The following MSL1 variants were observed in gnomAD, a reference collection of about 807,000 sequenced individuals.
MSL1 encodes the protein male-specific lethal 1 homolog.
In MSL1, 21 loss-of-function variants were observed where a neutral mutation model predicts 64.6. The observed-to-expected ratio is 0.33, with a 90% CI of 0.23 to 0.47. MSL1 has a LOEUF of 0.47. Ranked by LOEUF, MSL1 falls within the 20% of genes least tolerant of loss-of-function variation. The probability of loss-of-function intolerance (pLI) is 1.00; values close to 1 mark genes in which losing one functional copy is unlikely to be tolerated. For missense variants in MSL1, 664 were observed against 793.2 expected (o/e 0.84, Z 1.96); for synonymous variants, 339 against 329.6 (o/e 1.03, Z -0.31).
In MSL1 at chr17:40,136,266, C is replaced by G. The variant is rs1356669293; in HGVS notation, c.*1897C>G. 6.6e-6 allele frequency: 1 copy of G among 152,282 alleles called. No individual in the cohort carries two copies. The highest frequency in any genetic ancestry group is 1.5e-5 in the Non-Finnish European group (1 of 68,034). The allele number at this position is 152,282 out of a possible 1,614,324, so 9.4% of individuals were successfully genotyped here. A position where few individuals can be genotyped will look rare whatever the true frequency, so the allele number is the denominator to read the frequency against. On this transcript the variant is annotated 3_prime_UTR_variant, in exon 9 of 9. Coordinates refer to ENST00000398532, the MANE Select transcript of MSL1 (RefSeq NM_001365919.1). ...GTTTGTGCCCTACCCAGGGGACTCC[C>G]CAGTTTCTGACTTGAAGTAGACTGA... is the stretch of plus-strand genomic sequence containing the variant.
At chr17:40,124,241 T>TA (rs1430374148) in intron 1 of MSL1, among the ~76,000 whole-genome samples, 1 of 152,104 alleles carries the variant, frequency 6.6e-6, no homozygotes, top group Non-Finnish European at 1.5e-5. Context: ...TGGGGGGTAT[T>TA]ACTGTGCTAG....
chr17:40,122,353 A>G lies in MSL1; in HGVS notation c.-260A>G, dbSNP rs1019915554. On this transcript the variant is annotated 5_prime_UTR_variant, in exon 1 of 9. Coordinates refer to ENST00000398532, the MANE Select transcript of MSL1 (RefSeq NM_001365919.1). The surrounding 1 kb of genome is among the most constrained non-coding windows in gnomAD (Gnocchi z 4.2). The stretch of plus-strand genomic sequence containing the variant: ...GGTGCGAGCTCCTGCCTCTGAGGCG[A>G]AGGCGGCGGCGGCGGCAGCAGAGGC... 4 of 214,046 alleles carry G rather than the reference A, an allele frequency of 1.9e-5. No homozygotes were observed. The highest frequency in any genetic ancestry group is 3.6e-5 in the Non-Finnish European group (4 of 111,436). The allele number at this position is 214,046 out of a possible 1,614,324, so 13.3% of individuals were successfully genotyped here.
In MSL1 at chr17:40,131,980, T is replaced by TTTA; in HGVS notation, c.1424-53_1424-51dup. 5 of 1,338,764 alleles carry TTTA rather than the reference T, an allele frequency of 3.7e-6. No homozygotes were observed. The highest frequency in any genetic ancestry group is 4.2e-6 in the Non-Finnish European group (4 of 958,830). The allele number at this position is 1,338,764 out of a possible 1,614,324, so 82.9% of individuals were successfully genotyped here. On this transcript the variant is annotated intron_variant, in intron 4 of 8. Transcript: ENST00000398532. This position sits in a 1 kb window ranked among gnomAD's most constrained non-coding sequence, Gnocchi z 4.5. ...TAGTGAATAGTTGTGCAACTTTGGATTTAAGGGTGGTTCCACCCCTCCTCC... is the reference window on the plus strand; with the variant it reads ...TAGTGAATAGTTGTGCAACTTTGGATTTATTAAGGGTGGTTCCACCCCTCCTCC...
intron 1 of MSL1, among the ~76,000 whole-genome samples, chr17:40,124,304 A>G (rs1988262471): frequency 1.3e-5 from 2 of 151,846 alleles, no homozygotes; most frequent in Middle Eastern, 3.2e-3. Context: ...TGTTGTGTTC[A>G]GGCTGCAGCA....
At chr17:40,123,460 A>AG (rs1988239887) in intron 1 of MSL1, 80 bp downstream of exon 1, 1 of 1,407,692 alleles carries the variant, frequency 7.1e-7, no homozygotes, top group African/African-American at 1.4e-5. Flanking sequence ...TAGGAGGTTA[A>AG]GGCACCCCCG....
At chr17:40,123,607 A>G (rs966229088) in intron 1 of MSL1, among the ~76,000 whole-genome samples, 5 of 152,090 alleles carry the variant, frequency 3.3e-5, no homozygotes. Context: ...GAGGGGTTTC[A>G]GGTGCCAAAG....
chr17:40,123,217 T>C lies in MSL1; in HGVS notation c.605T>C (p.Met202Thr), dbSNP rs1480947688. ...GCCAGCGAGGGCAGATGGAAGAGTA[T>C]GAGGAAGAGCCCTCTCGGGGGTGGT... Reference protein sequence around the residue: ...LAASEGRWKSMRKSPLGGGGG... With the variant: ...LAASEGRWKSTRKSPLGGGGG... Residue 202 changes from methionine (M) to threonine (T), a missense_variant, in exon 1 of 9, where the codon ATG (methionine) becomes ACG (threonine). By Grantham distance (81) the Met-to-Thr change is moderately conservative. This residue lies in a region of MSL1 where 466 missense variants were observed against 499.0 expected (regional missense o/e 0.93). Transcript: ENST00000398532. 6.5e-7 allele frequency: 1 copy of C among 1,535,314 alleles called. No individual in the cohort carries two copies. Among genetic ancestry groups the C allele is most frequent in the African/African-American group, 1.4e-5 (1 of 72,956 alleles).
In MSL1 at chr17:40,122,961, G is replaced by A. The variant is rs1379114093; in HGVS notation, c.349G>A (p.Glu117Lys). ...PATKQAGIGG[E>K]PAAAGAGCSP... ...CACCAAGCAAGCCGGCATTGGGGGG[G>A]AGCCTGCCGCAGCCGGAGCCGGCTG... Residue 117 changes from glutamate (E) to lysine (K), a missense_variant, in exon 1 of 9, where the codon GAG (glutamate) becomes AAG (lysine). By Grantham distance (56) the Glu-to-Lys change is moderately conservative. Coordinates refer to ENST00000398532, the MANE Select transcript of MSL1 (RefSeq NM_001365919.1). The surrounding 1 kb of genome is among the most constrained non-coding windows in gnomAD (Gnocchi z 4.2). The A allele has an allele frequency of 3.3e-6, 5 of 1,526,550 alleles. No homozygotes were observed. Among genetic ancestry groups the A allele is most frequent in the African/African-American group, 1.4e-5 (1 of 71,088 alleles). 94.6% of individuals were successfully genotyped at this position (1,526,550 alleles called of 1,614,324 possible).
intron 2 of MSL1, among the ~76,000 whole-genome samples, chr17:40,128,933 G>C (rs961825499): frequency 1.3e-5 from 2 of 152,002 alleles, no homozygotes; most frequent in Non-Finnish European, 1.5e-5. Flanking sequence ...AGAATTGCTT[G>C]AACCCGGGAG....
At chr17:40,123,915 A>C (rs939723459) in intron 1 of MSL1, among the ~76,000 whole-genome samples, 9 of 152,176 alleles carry the variant, frequency 5.9e-5, no homozygotes, top group African/African-American at 2.2e-4. Context: ...AATGATATTA[A>C]GAGAATCACT....
At chr17:40,124,315 GTCTC>G (rs542175141) in intron 1 of MSL1, among the ~76,000 whole-genome samples, 9 of 151,782 alleles carry the variant, frequency 5.9e-5, no homozygotes, top group South Asian at 2.1e-4. Context: ...GGCTGCAGCA[GTCTC>G]TCTCTCCCTC....
intron 6 of MSL1, 180 bp from the exon 7 acceptor site, chr17:40,133,354 A>C: frequency 1.2e-6 from 1 of 824,848 alleles, no homozygotes; most frequent in Non-Finnish European, 1.9e-6. Context: ...CCAACACATG[A>C]TCTAAACGGT....
chr17:40,122,846 C>A lies in MSL1; in HGVS notation c.234C>A (p.Gly78=). Residue 78 remains glycine, a synonymous_variant, in exon 1 of 9, where the codon GGC becomes GGA. Coordinates refer to ENST00000398532, the MANE Select transcript of MSL1 (RefSeq NM_001365919.1). This position sits in a 1 kb window ranked among gnomAD's most constrained non-coding sequence, Gnocchi z 4.2. ...APSPAGCGGK[G]RGLLLPAGAA... is the part of the protein sequence containing the mutation. ...CCCCGGCCGGCTGCGGCGGCAAGGG[C>A]CGGGGCTTGTTACTCCCGGCCGGGG... 1 of 1,386,264 alleles carries A rather than the reference C, an allele frequency of 7.2e-7. No individual in the cohort carries two copies. Among genetic ancestry groups the A allele is most frequent in the East Asian group, 3.0e-5 (1 of 33,476 alleles). The allele number at this position is 1,386,264 out of a possible 1,614,324, so 85.9% of individuals were successfully genotyped here. A position where few individuals can be genotyped will look rare whatever the true frequency, so the allele number is the denominator to read the frequency against.
intron 5 of MSL1, 128 bp downstream of exon 5, chr17:40,132,226 TTATC>T (rs1486069676): frequency 2.6e-5 from 17 of 649,118 alleles, no homozygotes; most frequent in Non-Finnish European, 3.7e-5. Context: ...ACTTGAGAAA[TTATC>T]TAGTCCAGCT....
At position 40,122,858 on chromosome 17, in the gene MSL1, A is replaced by G; in HGVS notation, c.246A>G (p.Leu82=). 7.2e-7 allele frequency: 1 copy of G among 1,386,084 alleles called. No individual in the cohort carries two copies. Among genetic ancestry groups the G allele is most frequent in the Non-Finnish European group, 9.3e-7 (1 of 1,080,178 alleles). 85.9% of individuals were successfully genotyped at this position (1,386,084 alleles called of 1,614,324 possible). Residue 82 remains leucine, a synonymous_variant, in exon 1 of 9, where the codon TTA becomes TTG. Coordinates refer to ENST00000398532, the MANE Select transcript of MSL1 (RefSeq NM_001365919.1). This position sits in a 1 kb window ranked among gnomAD's most constrained non-coding sequence, Gnocchi z 4.2. ...AGCGGKGRGL[L]LPAGAAPGQQ... ...GCGGCGGCAAGGGCCGGGGCTTGTT[A>G]CTCCCGGCCGGGGCGGCCCCCGGGC...
At chr17:40,127,515 C>G (rs1003943774) in intron 2 of MSL1, among the ~76,000 whole-genome samples, 16 of 152,196 alleles carry the variant, frequency 1.1e-4, no homozygotes, top group African/African-American at 3.9e-4. Context: ...GGGTCTCTCT[C>G]TGTCACCCAG....
chr17:40,127,435 T>C (rs1161833321), intron 2 of MSL1, among the ~76,000 whole-genome samples: 1 of 152,010 alleles, frequency 6.6e-6, no homozygotes, highest in East Asian at 1.9e-4. Context: ...AAACTCAGAA[T>C]TCAAATGCAG....
At chr17:40,126,712 G>A (rs1988325038) in intron 2 of MSL1, 2 of 260,486 alleles carry the variant, frequency 7.7e-6, no homozygotes, top group Admixed American at 5.0e-5. Context: ...GGAGGCTGAG[G>A]CAGGAGAATC....
In MSL1 at chr17:40,126,174, CTCTT is replaced by C. The variant is rs1567668631; in HGVS notation, c.769-7_769-4del. 1.9e-6 allele frequency: 3 copies of C among 1,613,474 alleles called. No individual in the cohort carries two copies. The highest frequency in any genetic ancestry group is 2.2e-5 in the East Asian group (1 of 44,884). On this transcript the variant is annotated splice_polypyrimidine_tract_variant and splice_region_variant and intron_variant, in intron 1 of 8. Coordinates refer to ENST00000398532, the MANE Select transcript of MSL1 (RefSeq NM_001365919.1). ...TGTTAAGTCTGCATTTTGCTACTCTCTCTTTTAGCTCCTTGCTCGGATTGAACGT... is the reference window on the plus strand; with the variant it reads ...TGTTAAGTCTGCATTTTGCTACTCTCTTAGCTCCTTGCTCGGATTGAACGT...
Sources: gnomAD v4.1 joint callset for allele counts (sites outside exome capture counted in the v4.1 genomes callset) on GRCh38, gnomAD v4.1.1 for gene constraint, gnomAD v4.1.1 regional missense constraint, Gnocchi (gnomAD v3.1) non-coding constraint, MANE v1.5 for transcripts, NCBI Gene and HGNC (gene_info 2026-07-23, HGNC 2026-07-21) for gene names.